CNTN5: variants seen among roughly 807,000 people sequenced by gnomAD.
CNTN5 encodes contactin 5, also known as contactin-5.
A neutral mutation model predicts 129.1 loss-of-function variants in CNTN5; 77 were observed. The ratio of observed to expected loss-of-function variants is 0.60; its 90% confidence interval spans 0.50 to 0.72. CNTN5 has a LOEUF of 0.72. Among genes scored for constraint, CNTN5 ranks in the 30% least tolerant of loss-of-function variants. The probability of loss-of-function intolerance (pLI) is 0.00; values close to 1 mark genes in which losing one functional copy is unlikely to be tolerated. For missense variants in CNTN5, 1,478 were observed against 1,328.8 expected (o/e 1.11, Z -1.75); for synonymous variants, 509 against 465.6 (o/e 1.09, Z -1.20).
rs755987504 is a variant in CNTN5 at position 100,255,371 on chromosome 11, GAT to G, written c.2006-388_2006-387del. 4.0e-5 allele frequency among the ~76,000 whole-genome samples: 6 copies of G among 151,768 alleles called. No individual in the cohort carries two copies. In the South Asian group the frequency reaches 1.0e-3, roughly 26 times the overall value. On this transcript the variant is annotated intron_variant, in intron 16 of 24. Coordinates refer to ENST00000524871, the MANE Select transcript of CNTN5 (RefSeq NM_014361.4). ...ACTTGTAGTATTTTAGTAAGGATGA[GAT>G]TTTTTTTTTGTCTCTGTAGCACTGC...
intron 1 of CNTN5, among the ~76,000 whole-genome samples, chr11:99,091,472 A>T (rs1387234328): frequency 1.3e-5 from 2 of 152,218 alleles, no homozygotes; most frequent in Non-Finnish European, 2.9e-5. Context: ...CAGAGTAGAA[A>T]GCTGTTACCT....
At chr11:99,612,558 T>C (rs1186026329) in intron 3 of CNTN5, among the ~76,000 whole-genome samples, 1 of 152,188 alleles carries the variant, frequency 6.6e-6, no homozygotes, top group Non-Finnish European at 1.5e-5. Flanking sequence ...CTTTAGTCTT[T>C]TTAAAAACTT....
At chr11:99,459,302 AT>A (rs1199635161) in intron 2 of CNTN5, among the ~76,000 whole-genome samples, 2 of 151,872 alleles carry the variant, frequency 1.3e-5, no homozygotes. Flanking sequence ...AGGAAAATGA[AT>A]TTTTTTCTAG....
intron 6 of CNTN5, among the ~76,000 whole-genome samples, chr11:99,890,022 C>T (rs1949016136): frequency 6.6e-6 from 1 of 152,154 alleles, no homozygotes. Context: ...CTTAGTTAAT[C>T]ACATATGTTT....
chr11:99,391,542 T>C (rs1941260358), intron 2 of CNTN5, among the ~76,000 whole-genome samples: 2 of 152,264 alleles, frequency 1.3e-5, no homozygotes, highest in Admixed American at 6.5e-5. Context: ...CAGCATTGTT[T>C]GGTTTACAAT....
At chr11:99,968,779 T>A (rs898597525) in intron 8 of CNTN5, among the ~76,000 whole-genome samples, 1 of 148,590 alleles carries the variant, frequency 6.7e-6, no homozygotes, top group South Asian at 2.2e-4. Context: ...TTCAGAATTT[T>A]CAATTATGGA....
intron 8 of CNTN5, among the ~76,000 whole-genome samples, chr11:99,962,073 A>T (rs752346613): frequency 9.9e-5 from 15 of 152,140 alleles, no homozygotes; most frequent in Non-Finnish European, 2.1e-4. Flanking sequence ...GTGATTACAA[A>T]ATTCATACTA....
chr11:99,301,142 T>C (rs1020167976), intron 1 of CNTN5, among the ~76,000 whole-genome samples: 44 of 151,660 alleles, frequency 2.9e-4, no homozygotes, highest in African/African-American at 1.0e-3. Context: ...AGAGAAACAC[T>C]GGAAGTATAT....
At chr11:99,972,095 A>AAG (rs1249401717) in intron 8 of CNTN5, among the ~76,000 whole-genome samples, 39 of 145,636 alleles carry the variant, frequency 2.7e-4, no homozygotes, top group Admixed American at 8.9e-4. Context: ...TAAAAAAAAA[A>AAG]AAAAAAAAAA....
chr11:99,231,475 T>C (rs932471211), intron 1 of CNTN5, among the ~76,000 whole-genome samples: 1 of 152,194 alleles, frequency 6.6e-6, no homozygotes, highest in East Asian at 1.9e-4. Flanking sequence ...CCGTGTCCTT[T>C]GCCCACTTTT....
chr11:100,098,172 C>A (rs1050491735), intron 13 of CNTN5, among the ~76,000 whole-genome samples: 2 of 151,688 alleles, frequency 1.3e-5, no homozygotes, highest in Non-Finnish European at 2.9e-5. Flanking sequence ...GTCCAATTAC[C>A]CAGGGACATC....
intron 13 of CNTN5, among the ~76,000 whole-genome samples, chr11:100,139,051 T>A (rs1591304132): frequency 6.6e-6 from 1 of 152,100 alleles, no homozygotes; most frequent in East Asian, 1.9e-4. Context: ...ACTAAAAGAA[T>A]AAAATTAGTC....
intron 6 of CNTN5, among the ~76,000 whole-genome samples, chr11:99,896,851 G>GCTGCC (rs1565651556): frequency 6.6e-6 from 1 of 152,150 alleles, no homozygotes. Context: ...CCACGTCACA[G>GCTGCC]CTGCCCTGCC....
intron 2 of CNTN5, among the ~76,000 whole-genome samples, chr11:99,506,363 C>T (rs1299650730): frequency 1.3e-5 from 2 of 152,302 alleles, no homozygotes; most frequent in East Asian, 1.9e-4. Context: ...GCATCTTGCT[C>T]TCTGTTTACA....
chr11:99,373,774 A>T (rs909069051), intron 2 of CNTN5, among the ~76,000 whole-genome samples: 1 of 151,732 alleles, frequency 6.6e-6, no homozygotes, highest in Non-Finnish European at 1.5e-5. Flanking sequence ...TCAGAAACTA[A>T]GCATAAAAAC....
At chr11:99,726,925 GA>G (rs1387768716) in intron 3 of CNTN5, among the ~76,000 whole-genome samples, 1 of 152,088 alleles carries the variant, frequency 6.6e-6, no homozygotes, top group South Asian at 2.1e-4. Flanking sequence ...ACACCGACTT[GA>G]AAAAAATTTA....
At chr11:100,063,234 TA>T (rs371993314) in intron 10 of CNTN5, among the ~76,000 whole-genome samples, 16,250 of 148,196 alleles carry the variant, frequency 0.11, 1,021 homozygotes, top group Middle Eastern at 0.27. Flanking sequence ...TCCAGAAATG[TA>T]AAAAAAAAAA....
At chr11:100,158,739 G>T (rs1481586244) in intron 13 of CNTN5, among the ~76,000 whole-genome samples, 1 of 151,698 alleles carries the variant, frequency 6.6e-6, no homozygotes, top group African/African-American at 2.4e-5. Flanking sequence ...ATGCTGGAAG[G>T]GTTATATATT....
chr11:100,341,116 C>T lies in CNTN5; in HGVS notation c.2941C>T (p.Leu981Phe), dbSNP rs772729962. 11 of 1,613,584 alleles carry T rather than the reference C, an allele frequency of 6.8e-6. No individual in the cohort carries two copies. In the East Asian group the frequency reaches 2.0e-4, roughly 29 times the overall value. ...AGCTCCTAGTCAAGCACCTAGCAAC[C>T]TCAGGTGGGAGCAGCAAGGCTCTCA... Reference protein sequence around the residue: ...KSPPSQAPSNLRWEQQGSQVS... With the variant: ...KSPPSQAPSNFRWEQQGSQVS... The change falls in exon 23 of 25, where the codon CTC becomes TTC. Residue 981 changes from leucine to phenylalanine, a missense_variant. Physicochemically the swap from Leu to Phe is conservative, Grantham distance 22. Transcript: ENST00000524871.
Sources: gnomAD v4.1 joint callset for allele counts (sites outside exome capture counted in the v4.1 genomes callset) on GRCh38, gnomAD v4.1.1 for gene constraint, MANE v1.5 for transcripts, NCBI Gene and HGNC (gene_info 2026-07-23, HGNC 2026-07-21) for gene names.